GPR107: variants seen among roughly 807,000 people sequenced by gnomAD.
GPR107 encodes the protein protein GPR107.
Under a neutral mutation model 75.5 loss-of-function variants are expected in GPR107, and 31 were observed. The ratio of observed to expected loss-of-function variants is 0.41; its 90% CI spans 0.31 to 0.55. The LOEUF (loss-of-function observed/expected upper bound fraction) is 0.55, where lower values mean the gene tolerates loss of function less well. Among genes scored for constraint, GPR107 ranks in the 20% least tolerant of loss-of-function variants. The pLI, the probability that GPR107 is intolerant of heterozygous loss-of-function variation, is 0.26. For synonymous variants in GPR107, 267 were observed against 251.3 expected (o/e 1.06, Z -0.59); for missense variants, 572 against 665.7 (o/e 0.86, Z 1.55).
At position 130,079,909 on chromosome 9, in the gene GPR107, A is replaced by G. The variant is rs73672542; in HGVS notation, c.526+140A>G. The G allele has an allele frequency of 6.4e-3, 3,212 of 499,636 alleles. 90 individuals carry two copies. Among genetic ancestry groups the G allele is most frequent in the African/African-American group, 0.056 (2,856 of 50,842 alleles). 31.0% of individuals were successfully genotyped at this position (499,636 alleles called of 1,614,324 possible). A position where few individuals can be genotyped will look rare whatever the true frequency, so the allele number is the denominator to read the frequency against. On this transcript the variant is annotated intron_variant, in intron 5 of 17. Transcript: ENST00000347136. The stretch of plus-strand genomic sequence containing the variant: ...TTGGAAGTTACACAAAAATACGTAA[A>G]TGTTAAAGAAAAATGTGGAAAATCT...
Position 130,068,058 on chromosome 9 carries a change from CTTG to C in GPR107, c.142-7575_142-7573del, listed in dbSNP as rs200770078. Among the ~76,000 whole-genome samples the C allele has an allele frequency of 7.4e-3, 1,117 of 150,120 alleles. 13 individuals carry two copies. The highest frequency in any genetic ancestry group is 0.025 in the African/African-American group (1,031 of 40,572). ...CTCAGCCATGATTGGTAGTCTTATT[CTTG>C]TTTTCTTTTTTTTTTTTTTCTGTAT... On this transcript the variant is annotated intron_variant, in intron 1 of 17. Coordinates refer to ENST00000347136, the MANE Select transcript of GPR107 (RefSeq NM_020960.5).
chr9:130,119,634 C>G (rs1238463180), intron 14 of GPR107, among the ~76,000 whole-genome samples: 1 of 152,130 alleles, frequency 6.6e-6, no homozygotes, highest in African/African-American at 2.4e-5. Context: ...TTTTAACCCC[C>G]CTGCTCTCCT....
intron 1 of GPR107, among the ~76,000 whole-genome samples, chr9:130,073,208 T>C (rs1165418520): frequency 6.6e-6 from 1 of 152,198 alleles, no homozygotes; most frequent in Non-Finnish European, 1.5e-5. Context: ...GTGTTCATTT[T>C]CCCTCATCCT....
intron 1 of GPR107, among the ~76,000 whole-genome samples, chr9:130,056,427 G>A: frequency 6.6e-6 from 1 of 151,890 alleles, no homozygotes; most frequent in East Asian, 1.9e-4. Flanking sequence ...TCCAGCCTGG[G>A]CGACAGAGCA....
chr9:130,075,595 C>T (rs750149103), intron 1 of GPR107, 41 bp from the exon 2 acceptor site: 18 of 1,055,634 alleles, frequency 1.7e-5, no homozygotes, highest in Admixed American at 3.4e-5. Context: ...ATCAAAAGCA[C>T]TTTTCCATAT....
At chr9:130,092,098 C>T in intron 8 of GPR107, 150 bp from the exon 9 acceptor site, 1 of 639,618 alleles carries the variant, frequency 1.6e-6, no homozygotes, top group South Asian at 2.0e-5. Flanking sequence ...CCTCAGCCTC[C>T]CAAAGTGCTG....
chr9:130,063,994 G>C (rs545067014), intron 1 of GPR107, among the ~76,000 whole-genome samples: 1 of 150,986 alleles, frequency 6.6e-6, no homozygotes, highest in South Asian at 2.1e-4. Flanking sequence ...TAGTAGAGAC[G>C]GGGTTACACC....
At chr9:130,113,326 G>A (rs1831350752) in intron 14 of GPR107, among the ~76,000 whole-genome samples, 1 of 148,640 alleles carries the variant, frequency 6.7e-6, no homozygotes, top group Non-Finnish European at 1.5e-5. Flanking sequence ...TTGACCTCCT[G>A]GGCTCAAGTG....
intron 1 of GPR107, among the ~76,000 whole-genome samples, chr9:130,072,058 G>A (rs1393908745): frequency 6.6e-6 from 1 of 151,600 alleles, no homozygotes; most frequent in Non-Finnish European, 1.5e-5. Flanking sequence ...TGCAGCCTCT[G>A]CCTCCTCGGT....
At position 130,101,122 on chromosome 9, in the gene GPR107, C is replaced by T. The variant is rs1250385901; in HGVS notation, c.1030C>T (p.Leu344Phe). ...YITHLLKGAL[L>F]FITIALIGTG... The stretch of plus-strand genomic sequence containing the variant: ...CTCTTCCAGTTTGAAAGGGGCGCTA[C>T]TCTTCATCACCATTGCACTCATTGG... Residue 344 changes from leucine (L) to phenylalanine (F), a missense_variant, in exon 12 of 18, where the codon CTC (leucine) becomes TTC (phenylalanine). By Grantham distance (22) the Leu-to-Phe change is conservative. Coordinates refer to ENST00000347136, the MANE Select transcript of GPR107 (RefSeq NM_020960.5). 6.2e-7 allele frequency: 1 copy of T among 1,603,106 alleles called. No individual in the cohort carries two copies. Among genetic ancestry groups the T allele is most frequent in the Non-Finnish European group, 8.5e-7 (1 of 1,170,088 alleles).
Position 130,088,074 on chromosome 9 carries a change from G to A in GPR107, c.621+1598G>A, listed in dbSNP as rs547042539. On this transcript the variant is annotated intron_variant, in intron 7 of 17. Coordinates refer to ENST00000347136, the MANE Select transcript of GPR107 (RefSeq NM_020960.5). ...GTCGCCATCCTTATTAATAGCTAACGGTTATTGAGAACTTGCAGGGTGCTC... is the reference window on the plus strand; with the variant it reads ...GTCGCCATCCTTATTAATAGCTAACAGTTATTGAGAACTTGCAGGGTGCTC... 1.2e-4 allele frequency among the ~76,000 whole-genome samples: 18 copies of A among 152,130 alleles called. No individual in the cohort carries two copies. In the East Asian group the frequency reaches 3.5e-3, roughly 29 times the overall value.
intron 14 of GPR107, among the ~76,000 whole-genome samples, chr9:130,122,052 G>A (rs553336560): frequency 5.2e-4 from 79 of 152,050 alleles, no homozygotes; most frequent in Non-Finnish European, 8.7e-4. Flanking sequence ...CACCATGCCC[G>A]GCTAATTTTT....
At chr9:130,102,252 G>A (rs114005896) in intron 12 of GPR107, among the ~76,000 whole-genome samples, 1,998 of 152,254 alleles carry the variant, frequency 0.013, 42 homozygotes, top group African/African-American at 0.045. Context: ...CGGCTGTCGA[G>A]CCACCGTGGT....
At chr9:130,127,379 G>A (rs542258579) in intron 15 of GPR107, 104 bp from the exon 16 acceptor site, 14 of 699,516 alleles carry the variant, frequency 2.0e-5, no homozygotes, top group Admixed American at 1.7e-4. Context: ...TTCTTTGAGT[G>A]ATTCTGTTTT....
At chr9:130,060,372 C>G (rs1309223850) in intron 1 of GPR107, among the ~76,000 whole-genome samples, 1 of 126,362 alleles carries the variant, frequency 7.9e-6, no homozygotes, top group Non-Finnish European at 1.7e-5. Flanking sequence ...CTATCCATTT[C>G]TTATTAATGG....
intron 14 of GPR107, chr9:130,110,379 T>C (rs1457200562): frequency 1.3e-6 from 2 of 1,536,584 alleles, no homozygotes; most frequent in Admixed American, 3.9e-5. Context: ...GGTGACAGCA[T>C]GGGACCTCTT....
intron 14 of GPR107, among the ~76,000 whole-genome samples, chr9:130,114,395 T>C (rs1308432103): frequency 6.6e-6 from 1 of 151,942 alleles, no homozygotes; most frequent in Non-Finnish European, 1.5e-5. Flanking sequence ...ATATTATTAA[T>C]TAATTTTAGA....
chr9:130,074,905 C>A (rs966540551), intron 1 of GPR107, among the ~76,000 whole-genome samples: 4 of 151,248 alleles, frequency 2.6e-5, no homozygotes, highest in Non-Finnish European at 5.9e-5. Context: ...CTCCCCACCC[C>A]CCAGCATGTT....
rs140901603 is a variant in GPR107, at chr9:130,071,887, G to A, written c.142-3749G>A. 1.2e-4 allele frequency among the ~76,000 whole-genome samples: 19 copies of A among 152,186 alleles called. No homozygotes were observed. The East Asian group carries it at 3.7e-3, about 29-fold the overall frequency. On this transcript the variant is annotated intron_variant, in intron 1 of 17. Coordinates refer to ENST00000347136, the MANE Select transcript of GPR107 (RefSeq NM_020960.5). ...TTTAGTAGAGACGGGGTTTCACCAT[G>A]TTGGCCAGGCTGGTCTCAAACTCCT...
Sources: gnomAD v4.1 joint callset for allele counts (sites outside exome capture counted in the v4.1 genomes callset) on GRCh38, gnomAD v4.1.1 for gene constraint, MANE v1.5 for transcripts, NCBI Gene and HGNC (gene_info 2026-07-23, HGNC 2026-07-21) for gene names.